KAT6B: variants seen among roughly 807,000 people sequenced by gnomAD.
The protein encoded by KAT6B is lysine acetyltransferase 6B, also known as histone acetyltransferase KAT6B.
Under a neutral mutation model 187.5 loss-of-function variants are expected in KAT6B, and 10 were observed. The observed-to-expected ratio is 0.05, with a 90% CI of 0.03 to 0.09. The LOEUF (loss-of-function observed/expected upper bound fraction) is 0.09. KAT6B is among the 10% of genes least tolerant of loss of function. The probability of loss-of-function intolerance (pLI) is 1.00; values close to 1 mark genes in which losing one functional copy is unlikely to be tolerated. For missense variants in KAT6B, 1,952 were observed against 2,558.9 expected, an observed-to-expected ratio of 0.76 and a Z score of 5.12; for synonymous variants, 861 against 926.8, an observed-to-expected ratio of 0.93 and a Z score of 1.29.
At chr10:74,847,862 T>C (rs774212099) in intron 3 of KAT6B, among the ~76,000 whole-genome samples, 4 of 151,824 alleles carry the variant, frequency 2.6e-5, no homozygotes, top group African/African-American at 7.2e-5. Context: ...TCCTCTGAAA[T>C]AGAGTGTGAA....
chr10:74,882,326 G>C (rs536445750), intron 3 of KAT6B, among the ~76,000 whole-genome samples: 8 of 152,238 alleles, frequency 5.3e-5, no homozygotes, highest in Middle Eastern at 6.8e-3. Context: ...TTGACTTTTA[G>C]TTAGTATTTT....
At chr10:74,887,951 A>G (rs1416778516) in intron 3 of KAT6B, among the ~76,000 whole-genome samples, 2 of 151,948 alleles carry the variant, frequency 1.3e-5, no homozygotes, top group Non-Finnish European at 2.9e-5. Context: ...GTGCCACTGC[A>G]GCCCAGCCTG....
At chr10:74,863,237 A>G (rs1377428143) in intron 3 of KAT6B, among the ~76,000 whole-genome samples, 3 of 152,232 alleles carry the variant, frequency 2.0e-5, no homozygotes. Flanking sequence ...ATTTAAATAA[A>G]AAGAAGACTG....
chr10:74,831,738 T>C (rs542610944), intron 1 of KAT6B, among the ~76,000 whole-genome samples: 2 of 152,360 alleles, frequency 1.3e-5, no homozygotes, highest in Admixed American at 1.3e-4. Context: ...TCTGCCATCA[T>C]CCTTGCTGCT....
At chr10:74,838,022 G>A (rs1841443781) in intron 1 of KAT6B, among the ~76,000 whole-genome samples, 1 of 152,054 alleles carries the variant, frequency 6.6e-6, no homozygotes, top group Admixed American at 6.6e-5. Context: ...AGGATCCAAG[G>A]TTGCTTGATT....
chr10:74,969,801 T>A (rs758261116), intron 5 of KAT6B, 26 bp downstream of exon 5: 4 of 1,464,874 alleles, frequency 2.7e-6, no homozygotes, highest in Non-Finnish European at 3.8e-6. Context: ...GTAATCCGCC[T>A]CCAGGTAACT....
intron 10 of KAT6B, among the ~76,000 whole-genome samples, chr10:74,981,306 T>TTCCTTCCTTCCTTCCTTC (rs1842493708): frequency 1.5e-4 from 21 of 139,942 alleles, no homozygotes; most frequent in African/African-American, 5.5e-4. Context: ...TTTCTTTCTT[T>TTCCTTCCTTCCTTCCTTC]CTTCCTTCCT....
intron 3 of KAT6B, among the ~76,000 whole-genome samples, chr10:74,948,091 C>A (rs1840072227): frequency 6.6e-6 from 1 of 152,152 alleles, no homozygotes; most frequent in Non-Finnish European, 1.5e-5. Context: ...TCCTCTTTTC[C>A]TACTGCTTAT....
chr10:74,938,891 T>C (rs1224534684), intron 3 of KAT6B, among the ~76,000 whole-genome samples: 4 of 152,024 alleles, frequency 2.6e-5, no homozygotes, highest in Admixed American at 1.3e-4. Context: ...TGCCCGCCTC[T>C]ATACCTGGCT....
At chr10:74,981,009 C>T (rs936742901) in intron 10 of KAT6B, among the ~76,000 whole-genome samples, 2 of 152,198 alleles carry the variant, frequency 1.3e-5, no homozygotes, top group South Asian at 2.1e-4. Context: ...ATAATAAATT[C>T]ACTTCTGAGT....
At chr10:74,945,641 G>T (rs1025064387) in intron 3 of KAT6B, among the ~76,000 whole-genome samples, 1 of 151,876 alleles carries the variant, frequency 6.6e-6, no homozygotes, top group African/African-American at 2.4e-5. Context: ...ATAGAGACGG[G>T]GTCTCACCAT....
In KAT6B at chr10:74,976,260, T is replaced by G. The variant is rs757085952; in HGVS notation, c.1923T>G (p.Pro641=). 1 of 1,614,084 alleles carries G rather than the reference T, an allele frequency of 6.2e-7. No homozygotes were observed. Among genetic ancestry groups the G allele is most frequent in the African/African-American group, 1.3e-5 (1 of 75,032 alleles). The change falls in exon 8 of 18, where the codon CCT becomes CCG. Residue 641 remains proline (P), a synonymous_variant. Transcript: ENST00000287239. The part of the protein sequence containing the change: ...MLGRLKYKVT[P]QMGTPSPGKG... ...GCAGATTAAAATATAAAGTGACCCC[T>G]CAGATGGGGACCCCCTCACCAGGGA...
chr10:74,844,316 A>T (rs1487142106), intron 3 of KAT6B, among the ~76,000 whole-genome samples: 1 of 152,108 alleles, frequency 6.6e-6, no homozygotes. Flanking sequence ...CTTCTGCCTC[A>T]GCCTACCTAG....
intron 3 of KAT6B, among the ~76,000 whole-genome samples, chr10:74,847,957 C>A (rs1842226098): frequency 1.4e-5 from 2 of 139,170 alleles, no homozygotes; most frequent in Admixed American, 1.5e-4. Flanking sequence ...TCACTCTTGT[C>A]ACCCAGGCTG....
chr10:74,851,019 G>T (rs1394199473), intron 3 of KAT6B, among the ~76,000 whole-genome samples: 1 of 151,950 alleles, frequency 6.6e-6, no homozygotes, highest in Non-Finnish European at 1.5e-5. Flanking sequence ...TTCTGTTGAA[G>T]AAATATTTGT....
chr10:74,825,966 C>A (rs1840172422), upstream of KAT6B, among the ~76,000 whole-genome samples: 1 of 150,762 alleles, frequency 6.6e-6, no homozygotes, highest in African/African-American at 2.4e-5. This position sits in a 1 kb window ranked among gnomAD's most constrained non-coding sequence, Gnocchi z 5.0. Flanking sequence ...TGGAACGCTC[C>A]GGGCGGCGCG....
intron 13 of KAT6B, among the ~76,000 whole-genome samples, chr10:75,018,595 G>A (rs951559047): frequency 3.3e-5 from 5 of 152,152 alleles, no homozygotes; most frequent in Non-Finnish European, 2.9e-5. Flanking sequence ...ACTGTAGCGG[G>A]GAGACAGAAC....
At chr10:74,863,715 G>T (rs1264907621) in intron 3 of KAT6B, among the ~76,000 whole-genome samples, 3 of 152,188 alleles carry the variant, frequency 2.0e-5, no homozygotes, top group Non-Finnish European at 4.4e-5. Context: ...ATTTTAAAAT[G>T]ATTAATGGCC....
chr10:75,021,775 C>G (rs1845423262), intron 15 of KAT6B, 106 bp from the exon 16 acceptor site: 18 of 1,161,042 alleles, frequency 1.6e-5, no homozygotes, highest in Admixed American at 3.8e-5. Context: ...GGCTGGCTGG[C>G]TGTCCTGATC....
Sources: gnomAD v4.1 joint callset for allele counts (sites outside exome capture counted in the v4.1 genomes callset) on GRCh38, gnomAD v4.1.1 for gene constraint, Gnocchi (gnomAD v3.1) non-coding constraint, MANE v1.5 for transcripts, NCBI Gene and HGNC (gene_info 2026-07-23, HGNC 2026-07-21) for gene names.